The following PAK5 variants were observed in gnomAD, a reference collection of about 807,000 sequenced individuals.
The protein encoded by PAK5 is p21 (RAC1) activated kinase 5.
Under a neutral mutation model 65.9 loss-of-function variants are expected in PAK5, and 16 were observed. The ratio of observed to expected loss-of-function variants is 0.24; its 90% CI spans 0.16 to 0.37. The LOEUF (loss-of-function observed/expected upper bound fraction) is 0.37, where lower values mean the gene tolerates loss of function less well. Among genes scored for constraint, PAK5 ranks in the 10% least tolerant of loss-of-function variants. PAK5 has a pLI of 1.00. For synonymous variants in PAK5, 371 were observed against 354.9 expected (o/e 1.05, Z -0.51); for missense variants, 785 against 903.9 (o/e 0.87, Z 1.69).
intron 2 of PAK5, among the ~76,000 whole-genome samples, chr20:9,666,460 A>G (rs1013038930): frequency 1.3e-5 from 2 of 151,996 alleles, no homozygotes; most frequent in Non-Finnish European, 2.9e-5. Context: ...AGAGAAAGAA[A>G]GAAAGAATGA....
chr20:9,543,303 G>T (rs1157257561), intron 8 of PAK5, among the ~76,000 whole-genome samples: 1 of 152,112 alleles, frequency 6.6e-6, no homozygotes, highest in Non-Finnish European at 1.5e-5. Flanking sequence ...GAAAAGAAAA[G>T]GAAGAGATGA....
chr20:9,692,138 A>T (rs1321304856), intron 2 of PAK5, among the ~76,000 whole-genome samples: 1 of 152,216 alleles, frequency 6.6e-6, no homozygotes, highest in Non-Finnish European at 1.5e-5. Context: ...GCTCACTCTG[A>T]TAGAGTACTT....
intron 2 of PAK5, among the ~76,000 whole-genome samples, chr20:9,677,432 A>G (rs899856729): frequency 1.3e-5 from 2 of 152,196 alleles, no homozygotes; most frequent in Non-Finnish European, 2.9e-5. Flanking sequence ...TTCTAGGAGC[A>G]GGGCCTGCAC....
At chr20:9,832,485 G>C (rs221017) in intron 1 of PAK5, among the ~76,000 whole-genome samples, 20,023 of 151,882 alleles carry the variant, frequency 0.13, 1,413 homozygotes, top group Middle Eastern at 0.16. Flanking sequence ...GTTGGCCAGG[G>C]TGGTCTCAAA....
intron 3 of PAK5, among the ~76,000 whole-genome samples, chr20:9,619,260 C>T (rs1052143953): frequency 2.6e-5 from 4 of 151,890 alleles, no homozygotes; most frequent in African/African-American, 9.7e-5. Flanking sequence ...TTTAGGTAGA[C>T]CAGAGAAAAT....
At chr20:9,639,544 C>T (rs994042476) in intron 3 of PAK5, among the ~76,000 whole-genome samples, 1 of 152,164 alleles carries the variant, frequency 6.6e-6, no homozygotes, top group Non-Finnish European at 1.5e-5. Context: ...TTTCCCTCAG[C>T]GGCACAATTG....
chr20:9,734,114 T>C lies in PAK5; in HGVS notation c.-161-22679A>G, dbSNP rs543648529. On this transcript the variant is annotated intron_variant, in intron 1 of 9. Transcript: ENST00000353224. ...TTTCCTGTGGTAATAGGTGAATTTA[T>C]CCTGTTAACTCTACTGTGGGCTTGA... 2.0e-5 allele frequency among the ~76,000 whole-genome samples: 3 copies of C among 152,330 alleles called. No individual in the cohort carries two copies. In the South Asian group the frequency reaches 6.2e-4, roughly 32 times the overall value.
At chr20:9,757,187 C>T (rs1430196312) in intron 1 of PAK5, among the ~76,000 whole-genome samples, 1 of 151,924 alleles carries the variant, frequency 6.6e-6, no homozygotes, top group Non-Finnish European at 1.5e-5. Flanking sequence ...AGAATCCTTT[C>T]TCAGGGTCTA....
chr20:9,629,418 AC>A (rs1355692289), intron 3 of PAK5, among the ~76,000 whole-genome samples: 1 of 152,026 alleles, frequency 6.6e-6, no homozygotes, highest in African/African-American at 2.4e-5. Context: ...CTGCCTTCTT[AC>A]CTGTATCCTC....
chr20:9,574,121 A>G (rs1049892964), intron 4 of PAK5, among the ~76,000 whole-genome samples: 7 of 152,190 alleles, frequency 4.6e-5, no homozygotes, highest in Non-Finnish European at 7.3e-5. Context: ...GGAGAGAATC[A>G]TTAACTTGCA....
chr20:9,677,614 G>A (rs1215925342), intron 2 of PAK5, among the ~76,000 whole-genome samples: 1 of 152,212 alleles, frequency 6.6e-6, no homozygotes, highest in Non-Finnish European at 1.5e-5. Flanking sequence ...TCACCTGTGT[G>A]TTCTTAACCT....
At chr20:9,592,232 T>TG (rs913354154) in intron 3 of PAK5, among the ~76,000 whole-genome samples, 1 of 152,198 alleles carries the variant, frequency 6.6e-6, no homozygotes, top group African/African-American at 2.4e-5. Flanking sequence ...AAAAATTACC[T>TG]GTTGGGTACA....
At chr20:9,704,900 T>C (rs1236340506) in intron 2 of PAK5, among the ~76,000 whole-genome samples, 1 of 152,138 alleles carries the variant, frequency 6.6e-6, no homozygotes, top group African/African-American at 2.4e-5. Flanking sequence ...AGAGAGATCG[T>C]CAGAGAGAGA....
At chr20:9,798,049 C>G (rs559026772) in intron 1 of PAK5, among the ~76,000 whole-genome samples, 7 of 152,144 alleles carry the variant, frequency 4.6e-5, no homozygotes, top group African/African-American at 1.4e-4. Context: ...ATATGTTACA[C>G]AAAGGAGGAC....
At chr20:9,836,823 G>A (rs7272289) in intron 1 of PAK5, among the ~76,000 whole-genome samples, 18,265 of 152,036 alleles carry the variant, frequency 0.12, 2,932 homozygotes, top group African/African-American at 0.37. Context: ...TGATTAATCC[G>A]TACATCTACT....
chr20:9,598,268 G>C (rs2046305588), intron 3 of PAK5, among the ~76,000 whole-genome samples: 1 of 152,170 alleles, frequency 6.6e-6, no homozygotes, highest in Non-Finnish European at 1.5e-5. Flanking sequence ...CTTCATCCAT[G>C]TCCCTGCAAA....
At chr20:9,583,430 G>A (rs2046014426) in intron 3 of PAK5, among the ~76,000 whole-genome samples, 1 of 152,178 alleles carries the variant, frequency 6.6e-6, no homozygotes, top group Admixed American at 6.5e-5. Flanking sequence ...CAAGTACCAT[G>A]TTTAAGTCCA....
chr20:9,540,385 T>A (rs566557098), intron 9 of PAK5, among the ~76,000 whole-genome samples: 25 of 152,296 alleles, frequency 1.6e-4, no homozygotes, highest in African/African-American at 6.0e-4. Flanking sequence ...AACCCCTATC[T>A]CCCTGCAAAA....
At chr20:9,656,672 T>C (rs1198802550) in intron 2 of PAK5, among the ~76,000 whole-genome samples, 1 of 152,314 alleles carries the variant, frequency 6.6e-6, no homozygotes, top group South Asian at 2.1e-4. Context: ...TTAATCTCTT[T>C]ATGCCTCAGC....
Sources: allele counts gnomAD v4.1 joint callset (sites outside exome capture counted in the v4.1 genomes callset), GRCh38; gene constraint gnomAD v4.1.1; transcripts MANE v1.5; gene names NCBI Gene and HGNC (gene_info 2026-07-23, HGNC 2026-07-21).